PPM1J: variants seen among roughly 807,000 people sequenced by gnomAD.
The protein encoded by PPM1J is protein phosphatase 1J.
In PPM1J, 43 loss-of-function variants were observed where a neutral mutation model predicts 53.3. That is an observed-to-expected ratio of 0.81 (90% CI 0.63 to 1.04). The LOEUF (loss-of-function observed/expected upper bound fraction) is 1.04, where lower values mean the gene tolerates loss of function less well. PPM1J is among the 50% of genes least tolerant of loss of function. The pLI is 0.00. For missense variants in PPM1J, 635 were observed against 685.9 expected (o/e 0.93, Z 0.83); for synonymous variants, 267 against 286.4 (o/e 0.93, Z 0.68).
intron 1 of PPM1J, chr1:112,714,358 AG>A: frequency 1.0e-6 from 1 of 985,530 alleles, no homozygotes; most frequent in Non-Finnish European, 1.2e-6. Context: ...CGCTCCGGGC[AG>A]GGGGTCCGCT....
rs574734247 is a variant in PPM1J at position 112,710,272 on chromosome 1, C to G, written c.1409G>C (p.Arg470Pro). 6.2e-7 allele frequency: 1 copy of G among 1,605,632 alleles called. No homozygotes were observed. The highest frequency in any genetic ancestry group is 1.8e-5 in the Admixed American group (1 of 56,642). The change falls in exon 10 of 10, where the codon CGG becomes CCG. Residue 470 changes from arginine (R) to proline (P), a missense_variant. Coordinates refer to ENST00000309276, the MANE Select transcript of PPM1J (RefSeq NM_005167.7). Reference sequence around the variant, plus strand: ...CCAGCCACGGTCTCGGGGGGTACCCCGGGCCCCCAGGACCAGAGCTTGGGC... The same window carrying G: ...CCAGCCACGGTCTCGGGGGGTACCCGGGGCCCCCAGGACCAGAGCTTGGGC... Reference protein sequence around the residue: ...ALAQALVLGARGTPRDRGWRL... With the variant: ...ALAQALVLGAPGTPRDRGWRL...
chr1:112,711,895 G>C (rs930545873), intron 5 of PPM1J, 76 bp downstream of exon 5: 2 of 1,042,586 alleles, frequency 1.9e-6, no homozygotes, highest in East Asian at 5.1e-5. Flanking sequence ...GGGTGTGAGA[G>C]TTCTCAGGGC....
rs776244149 is a variant in PPM1J at position 112,713,540 on chromosome 1, C to T, written c.398G>A (p.Arg133Gln). 7 of 1,614,064 alleles carry T rather than the reference C, an allele frequency of 4.3e-6. No homozygotes were observed. Among genetic ancestry groups the T allele is most frequent in the Admixed American group, 1.7e-5 (1 of 60,006 alleles). The stretch of plus-strand genomic sequence containing the variant: ...CCTAGGTACTCCTGTAACACTCCTC[C>T]GACCTTCCACATACACCACTTCACA... ...ACCEVVYVEG[R>Q]RSVTGVPREP... Residue 133 changes from arginine (R) to glutamine (Q), a missense_variant, in exon 2 of 10, where the codon CGG becomes CAG. Coordinates refer to ENST00000309276, the MANE Select transcript of PPM1J (RefSeq NM_005167.7).
At chr1:112,711,472 A>T in intron 5 of PPM1J, 88 bp from the exon 6 acceptor site, 1 of 720,738 alleles carries the variant, frequency 1.4e-6, no homozygotes, top group South Asian at 1.8e-5. Context: ...ACTACAGCAG[A>T]CCCTTAAACA....
rs772573569 is a variant in PPM1J at position 112,715,071 on chromosome 1, G to T, written c.231C>A (p.Pro77=). 22 of 1,551,926 alleles carry T rather than the reference G, an allele frequency of 1.4e-5. No homozygotes were observed. The highest frequency in any genetic ancestry group is 2.8e-5 in the African/African-American group (2 of 71,126). ...FSRPTFLQLS[P]GGLRRADDHA... ...GGTCATCGGCGCGTCGCAGCCCCCC[G>T]GGGCTCAGCTGCAGAAAGGTCGGTC... The change falls in exon 1 of 10, where the codon CCC becomes CCA. Residue 77 remains proline (P), a synonymous_variant. Transcript: ENST00000309276. The surrounding 1 kb of genome is among the most constrained non-coding windows in gnomAD (Gnocchi z 4.4).
chr1:112,713,378 C>T, intron 2 of PPM1J, 119 bp downstream of exon 2: 1 of 714,696 alleles, frequency 1.4e-6, no homozygotes, highest in South Asian at 1.5e-5. Flanking sequence ...GGTTCTGTGC[C>T]AGAAGGTAGA....
chr1:112,714,030 A>G, intron 1 of PPM1J: 3 of 1,063,366 alleles, frequency 2.8e-6, no homozygotes, highest in Non-Finnish European at 3.4e-6. Context: ...CCTTGTCCCC[A>G]GCACCTCATC....
At chr1:112,712,687 C>A in intron 3 of PPM1J, 57 bp downstream of exon 3, 4 of 1,536,150 alleles carry the variant, frequency 2.6e-6, no homozygotes, top group Non-Finnish European at 2.7e-6. Context: ...CTGGCTTCCA[C>A]ACAGAGTTGG....
chr1:112,710,379 T>G, intron 9 of PPM1J, 69 bp from the exon 10 acceptor site: 1 of 1,611,544 alleles, frequency 6.2e-7, no homozygotes, highest in Non-Finnish European at 8.5e-7. Context: ...CAGGCCCACA[T>G]GTGGGGTCCC....
rs1392330377 is a variant in PPM1J, at chr1:112,715,329, C to CGGCCCCGCCCCCGCCCA, written c.-29_-28insTGGGCGGGGGCGGGGCC. 2.4e-5 allele frequency: 29 copies of CGGCCCCGCCCCCGCCCA among 1,222,340 alleles called. No individual in the cohort carries two copies. The highest frequency in any genetic ancestry group is 3.2e-4 in the Middle Eastern group (1 of 3,152). The allele number at this position is 1,222,340 out of a possible 1,614,324, so 75.7% of individuals were successfully genotyped here. A position where few individuals can be genotyped will look rare whatever the true frequency, so the allele number is the denominator to read the frequency against. ...TGCCTCCCTGCCCCGCCCTCGGCCGCGGCCCCGCCCCCGCCCAGGCCCCGC... is the reference window on the plus strand; with the variant it reads ...TGCCTCCCTGCCCCGCCCTCGGCCGCGGCCCCGCCCCCGCCCAGGCCCCGCCCCCGCCCAGGCCCCGC... On this transcript the variant is annotated 5_prime_UTR_variant, in exon 1 of 10. Coordinates refer to ENST00000309276, the MANE Select transcript of PPM1J (RefSeq NM_005167.7). This position sits in a 1 kb window ranked among gnomAD's most constrained non-coding sequence, Gnocchi z 4.4.
chr1:112,715,117 TCAA>T lies in PPM1J; in HGVS notation c.182_184del (p.Val61del), dbSNP rs754264299. The stretch of plus-strand genomic sequence containing the variant: ...CGGTCTGGAGAAGCTCGCTCGAGCC[TCAA>T]CAGCCTTCGCGGGCGTCGCGCTCCC... On this transcript the variant is annotated inframe_deletion, in exon 1 of 10. Transcript: ENST00000309276. This position sits in a 1 kb window ranked among gnomAD's most constrained non-coding sequence, Gnocchi z 4.4. The T allele has an allele frequency of 6.4e-7, 1 of 1,556,234 alleles. No homozygotes were observed. The highest frequency in any genetic ancestry group is 8.6e-7 in the Non-Finnish European group (1 of 1,161,376).
chr1:112,713,659 T>C, intron 1 of PPM1J, 48 bp from the exon 2 acceptor site: 1 of 1,429,140 alleles, frequency 7.0e-7, no homozygotes. Context: ...GACCAGGTCC[T>C]GGAATAACCC....
intron 5 of PPM1J, 34 bp downstream of exon 5, chr1:112,711,937 A>T (rs775295306): frequency 6.6e-7 from 1 of 1,510,788 alleles, no homozygotes; most frequent in African/African-American, 1.4e-5. Context: ...AGACCCGACA[A>T]AGAATGGGGG....
intron 1 of PPM1J, 40 bp downstream of exon 1, chr1:112,714,936 G>A: frequency 7.4e-7 from 1 of 1,346,076 alleles, no homozygotes; most frequent in East Asian, 3.1e-5. Flanking sequence ...GAGAGGGGTG[G>A]GAGCCCCATC....
chr1:112,715,189 G>A lies in PPM1J; in HGVS notation c.113C>T (p.Ala38Val). The stretch of plus-strand genomic sequence containing the variant: ...AGGGCTCCTGGGCGCTTCTGGAGCG[G>A]CGGCGGGCGGCGCCGAGGCGGCGTT... ...LPNAASAPPA[A>V]APEAPRSPPA... Residue 38 changes from alanine to valine, a missense_variant, in exon 1 of 10, where the codon GCC (alanine) becomes GTC (valine). Physicochemically the swap from Ala to Val is moderately conservative, Grantham distance 64 (BLOSUM62 0). Transcript: ENST00000309276. This position sits in a 1 kb window ranked among gnomAD's most constrained non-coding sequence, Gnocchi z 4.4. 6.8e-7 allele frequency: 1 copy of A among 1,472,978 alleles called. No homozygotes were observed. Among genetic ancestry groups the A allele is most frequent in the South Asian group, 1.3e-5 (1 of 74,880 alleles). 91.2% of individuals were successfully genotyped at this position (1,472,978 alleles called of 1,614,324 possible).
intron 2 of PPM1J, 116 bp from the exon 3 acceptor site, chr1:112,713,147 G>A: frequency 9.9e-7 from 1 of 1,009,392 alleles, no homozygotes; most frequent in Non-Finnish European, 1.4e-6. Flanking sequence ...ACATCTGAGA[G>A]GTCAGTGTTT....
At chr1:112,711,885 G>T in intron 5 of PPM1J, 86 bp downstream of exon 5, 1 of 891,944 alleles carries the variant, frequency 1.1e-6, no homozygotes, top group South Asian at 1.6e-5. Flanking sequence ...CCTGTGGTGG[G>T]GGTGTGAGAG....
At position 112,714,975 on chromosome 1, in the gene PPM1J, C is replaced by G. The variant is rs767940081; in HGVS notation, c.326+1G>C. ...GTTTGGGTGCCCCAGGGGGCGCTCA[C>G]TCGGCGTAGCCTGTGCTCCAGGGCA... On this transcript the variant is annotated splice_donor_variant, in intron 1 of 9. Transcript: ENST00000309276. LOFTEE classifies it high-confidence loss of function. 5.7e-6 allele frequency: 8 copies of G among 1,401,136 alleles called. No homozygotes were observed. The highest frequency in any genetic ancestry group is 5.5e-6 in the Non-Finnish European group (6 of 1,081,318). 86.8% of individuals were successfully genotyped at this position (1,401,136 alleles called of 1,614,324 possible).
Position 112,710,822 on chromosome 1 carries a change from G to A in PPM1J, c.1140C>T (p.Thr380=), listed in dbSNP as rs773697406. The change falls in exon 8 of 10, where the codon ACC becomes ACT. Residue 380 remains threonine (T), a synonymous_variant. Transcript: ENST00000309276. ...TAAGGCTGTGGTCTCCCAAGCCTCGGGTCACCCCAATGGTGGCCATCACCC... is the reference window on the plus strand; with the variant it reads ...TAAGGCTGTGGTCTCCCAAGCCTCGAGTCACCCCAATGGTGGCCATCACCC... The part of the protein sequence containing the change: ...KARVMATIGV[T]RGLGDHSLKV... 18 of 1,613,886 alleles carry A rather than the reference G, an allele frequency of 1.1e-5. No individual in the cohort carries two copies. Among genetic ancestry groups the A allele is most frequent in the South Asian group, 9.9e-5 (9 of 91,074 alleles).
Sources: allele counts gnomAD v4.1 joint callset, GRCh38; gene constraint gnomAD v4.1.1; non-coding constraint Gnocchi (gnomAD v3.1); transcripts MANE v1.5; gene names NCBI Gene and HGNC (gene_info 2026-07-23, HGNC 2026-07-21).